Variants in EXOC4 observed in about 807,000 individuals in gnomAD.
EXOC4 encodes the protein SEC8-like 1.
A neutral mutation model predicts 107.2 loss-of-function variants in EXOC4; 71 were observed. That is an observed-to-expected ratio of 0.66 (90% CI 0.55 to 0.81). The LOEUF is 0.81. Ranked by LOEUF, EXOC4 falls within the 30% of genes least tolerant of loss-of-function variation. EXOC4 has a pLI of 0.00. For missense variants in EXOC4, 1,108 were observed against 1,189.6 expected, an observed-to-expected ratio of 0.93 and a Z score of 1.01; for synonymous variants, 456 against 441.2, an observed-to-expected ratio of 1.03 and a Z score of -0.42.
At chr7:134,034,307 A>G (rs1184757266) in intron 17 of EXOC4, among the ~76,000 whole-genome samples, 1 of 152,224 alleles carries the variant, frequency 6.6e-6, no homozygotes, top group Non-Finnish European at 1.5e-5. Flanking sequence ...TTTAGGAAAA[A>G]AAGCAACTAT....
chr7:133,627,718 C>G (rs538019896), intron 9 of EXOC4, among the ~76,000 whole-genome samples: 15 of 152,292 alleles, frequency 9.8e-5, no homozygotes, highest in African/African-American at 3.6e-4. Flanking sequence ...TTCCTTAACT[C>G]AGCAAAACTT....
chr7:133,402,685 G>A (rs1797117375), intron 7 of EXOC4, among the ~76,000 whole-genome samples: 1 of 151,972 alleles, frequency 6.6e-6, no homozygotes, highest in African/African-American at 2.4e-5. Flanking sequence ...TGTATTTTTA[G>A]CAGAGATGGG....
intron 9 of EXOC4, among the ~76,000 whole-genome samples, chr7:133,540,700 C>G (rs1800363442): frequency 6.6e-6 from 1 of 152,118 alleles, no homozygotes; most frequent in South Asian, 2.1e-4. Context: ...AAATTCCTGC[C>G]AGCAGTTATC....
intron 10 of EXOC4, among the ~76,000 whole-genome samples, chr7:133,638,891 G>A (rs1802779817): frequency 6.6e-6 from 1 of 151,630 alleles, no homozygotes; most frequent in African/African-American, 2.4e-5. Context: ...TTTTATTATC[G>A]ATTAACCTTA....
At chr7:133,633,010 C>A (rs12707108) in intron 10 of EXOC4, among the ~76,000 whole-genome samples, 148,600 of 152,276 alleles carry the variant, frequency 0.98, 72,611 homozygotes, top group East Asian at 1. Flanking sequence ...TGGTTCAGGA[C>A]TAGGCTCCTT....
intron 7 of EXOC4, among the ~76,000 whole-genome samples, chr7:133,429,518 A>C (rs543263088): frequency 6.6e-6 from 1 of 152,218 alleles, no homozygotes; most frequent in Non-Finnish European, 1.5e-5. Context: ...GGGTTTTGCA[A>C]CTATCACCAC....
intron 10 of EXOC4, among the ~76,000 whole-genome samples, chr7:133,800,219 T>C (rs572012900): frequency 6.6e-6 from 1 of 152,332 alleles, no homozygotes; most frequent in African/African-American, 2.4e-5. Flanking sequence ...TGAAATGTTA[T>C]TATCCAGTTG....
At chr7:133,926,038 G>A (rs1396885352) in intron 13 of EXOC4, among the ~76,000 whole-genome samples, 20 of 92,092 alleles carry the variant, frequency 2.2e-4, no homozygotes, top group Non-Finnish European at 2.3e-4. Flanking sequence ...GCAAGACTCC[G>A]TCTCAAAAAA....
At chr7:133,466,466 A>G (rs1324729477) in intron 7 of EXOC4, among the ~76,000 whole-genome samples, 2 of 152,218 alleles carry the variant, frequency 1.3e-5, no homozygotes, top group Non-Finnish European at 2.9e-5. Context: ...TAGATGAAAC[A>G]GACCAATTTC....
intron 7 of EXOC4, among the ~76,000 whole-genome samples, chr7:133,471,575 T>TTACAC (rs979871708): frequency 6.6e-5 from 10 of 152,218 alleles, no homozygotes; most frequent in Admixed American, 2.0e-4. Flanking sequence ...TGGTTAAAAA[T>TTACAC]TACACCCATC....
At chr7:133,629,267 TAG>T (rs1282211872) in intron 9 of EXOC4, among the ~76,000 whole-genome samples, 1 of 152,130 alleles carries the variant, frequency 6.6e-6, no homozygotes, top group Non-Finnish European at 1.5e-5. Context: ...ATTGGGGTCT[TAG>T]ATATGATAAA....
intron 10 of EXOC4, among the ~76,000 whole-genome samples, chr7:133,707,428 T>G (rs530809097): frequency 1.3e-4 from 18 of 140,132 alleles, no homozygotes; most frequent in African/African-American, 4.4e-4. Flanking sequence ...CCATTGTTGG[T>G]TTTTTTTTTT....
chr7:133,757,450 T>C (rs994463108), intron 10 of EXOC4, among the ~76,000 whole-genome samples: 33 of 152,310 alleles, frequency 2.2e-4, no homozygotes, highest in South Asian at 8.3e-4. Context: ...CAGGTTGAGA[T>C]GAGAGAGAGG....
intron 3 of EXOC4, among the ~76,000 whole-genome samples, chr7:133,293,555 A>G (rs1794453784): frequency 6.6e-6 from 1 of 152,232 alleles, no homozygotes; most frequent in African/African-American, 2.4e-5. Context: ...GAATAGATTA[A>G]TAAATCCAGA....
At chr7:133,551,424 A>G (rs1800586896) in intron 9 of EXOC4, among the ~76,000 whole-genome samples, 1 of 151,968 alleles carries the variant, frequency 6.6e-6, no homozygotes. Context: ...TTTCTTGTCT[A>G]GAGTACAGAG....
At position 133,849,823 on chromosome 7, in the gene EXOC4, C is replaced by A. The variant is rs190499399; in HGVS notation, c.1734+32279C>A. 1.3e-5 allele frequency among the ~76,000 whole-genome samples: 2 copies of A among 152,288 alleles called. 1 individual carries two copies. Among genetic ancestry groups the A allele is most frequent in the Admixed American group, 1.3e-4 (2 of 15,292 alleles). ...ATCAATCCAATCTTCTGCATTCTTA[C>A]CAAATTAATACAACTTAAAACAAAG... On this transcript the variant is annotated intron_variant, in intron 11 of 17. Transcript: ENST00000253861.
At chr7:134,086,022 C>A in the EXOC4 span, among the ~76,000 whole-genome samples, 1 of 152,112 alleles carries the variant, frequency 6.6e-6, no homozygotes, top group African/African-American at 2.4e-5. Context: ...AAAGTGTGCC[C>A]CAACACACAG....
rs1794960487 is a variant in EXOC4 at position 133,714,512 on chromosome 7, A to G, written c.1514+84371A>G. 3.3e-5 allele frequency among the ~76,000 whole-genome samples: 5 copies of G among 152,312 alleles called. No individual in the cohort carries two copies. In the South Asian group the frequency reaches 1.0e-3, roughly 32 times the overall value. On this transcript the variant is annotated intron_variant, in intron 10 of 17. Transcript: ENST00000253861. ...TCTAGCTGTCTTTTCCATTCATATT[A>G]TAATGATTGTCATAATATAATAAAA...
chr7:134,042,562 T>C (rs557230654), intron 17 of EXOC4, among the ~76,000 whole-genome samples: 1 of 152,008 alleles, frequency 6.6e-6, no homozygotes, highest in Admixed American at 6.5e-5. Flanking sequence ...GACAGAGGCC[T>C]GAGGAAGCCA....
Sources: gnomAD v4.1 joint callset for allele counts (sites outside exome capture counted in the v4.1 genomes callset) on GRCh38, gnomAD v4.1.1 for gene constraint, MANE v1.5 for transcripts, NCBI Gene and HGNC (gene_info 2026-07-23, HGNC 2026-07-21) for gene names.